SPATA7: variants seen among roughly 807,000 people sequenced by gnomAD.
The protein encoded by SPATA7 is spermatogenesis-associated protein 7.
A neutral mutation model predicts 51.8 loss-of-function variants in SPATA7; 43 were observed. The ratio of observed to expected loss-of-function variants is 0.83; its 90% confidence interval spans 0.65 to 1.07. The LOEUF is 1.07. SPATA7 is among the 50% of genes least tolerant of loss of function. The pLI is 0.00. For missense variants in SPATA7, 683 were observed against 701.3 expected, an observed-to-expected ratio of 0.97 and a Z score of 0.30; for synonymous variants, 230 against 252.8, an observed-to-expected ratio of 0.91 and a Z score of 0.86.
chr14:88,469,486 T>TA lies in SPATA7; in HGVS notation c.255-358dup. On this transcript the variant is annotated intron_variant, in intron 4 of 4. Transcript: ENST00000556406. The surrounding 1 kb of genome is among the most constrained non-coding windows in gnomAD (Gnocchi z 4.3). ...GAGGCAGCTGTCCTCGGAACAAAGT[T>TA]AAAGTCACTCACATAAAAATCCCTT... 1.3e-6 allele frequency: 2 copies of TA among 1,594,822 alleles called. No homozygotes were observed. The highest frequency in any genetic ancestry group is 2.2e-5 in the South Asian group (2 of 90,696).
At chr14:88,445,168 T>C (rs2077203103) in intron 3 of SPATA7, among the ~76,000 whole-genome samples, 1 of 151,600 alleles carries the variant, frequency 6.6e-6, no homozygotes, top group Non-Finnish European at 1.5e-5. Context: ...CCTTGAGCAG[T>C]GGTTTGTAGT....
At chr14:88,391,734 A>C (rs916318847) in intron 2 of SPATA7, 1 of 470,672 alleles carries the variant, frequency 2.1e-6, no homozygotes, top group African/African-American at 2.0e-5. Context: ...ACCCTGATTT[A>C]AGGCATACCT....
At chr14:88,400,900 C>G (rs1049675538) in intron 4 of SPATA7, among the ~76,000 whole-genome samples, 2 of 152,058 alleles carry the variant, frequency 1.3e-5, no homozygotes, top group African/African-American at 4.8e-5. Flanking sequence ...CAGATATCTT[C>G]ATAGGTAAAT....
chr14:88,460,490 G>C (rs956224759), intron 4 of SPATA7, among the ~76,000 whole-genome samples: 4 of 152,084 alleles, frequency 2.6e-5, no homozygotes, highest in African/African-American at 9.7e-5. Context: ...CTTTCTTCCA[G>C]TTGATCGAAT....
chr14:88,463,828 C>G (rs1398821812), intron 4 of SPATA7, among the ~76,000 whole-genome samples: 1 of 148,874 alleles, frequency 6.7e-6, no homozygotes, highest in Non-Finnish European at 1.5e-5. Context: ...AATTTCCTGA[C>G]ATTTCCTTAT....
chr14:88,426,579 C>T lies in SPATA7; in HGVS notation c.720C>T (p.Phe240=). Residue 240 remains phenylalanine (F), a synonymous_variant, in exon 6 of 12, where the codon TTC becomes TTT. Coordinates refer to ENST00000393545, the MANE Select transcript of SPATA7 (RefSeq NM_018418.5). ...SELFSNKQLP[F]TPRTLKTEAK... ...TCTTTTCTAACAAACAATTGCCATT[C>T]ACTCCTCGCACTTTAAAAACAGAAG... 6.2e-7 allele frequency: 1 copy of T among 1,614,118 alleles called. No homozygotes were observed. The highest frequency in any genetic ancestry group is 8.5e-7 in the Non-Finnish European group (1 of 1,179,988).
chr14:88,453,972 A>G (rs761402962), intron 3 of SPATA7, among the ~76,000 whole-genome samples: 1 of 152,176 alleles, frequency 6.6e-6, no homozygotes, highest in Non-Finnish European at 1.5e-5. Flanking sequence ...TTTTGAGGCA[A>G]AAACACACAC....
chr14:88,427,201 G>A (rs968272062), intron 6 of SPATA7, among the ~76,000 whole-genome samples: 15 of 152,270 alleles, frequency 9.9e-5, no homozygotes, highest in Admixed American at 5.9e-4. Context: ...TAGAAATTAA[G>A]TATAATTTGC....
chr14:88,389,078 G>A (rs943949308), intron 1 of SPATA7, among the ~76,000 whole-genome samples: 45 of 152,106 alleles, frequency 3.0e-4, no homozygotes, highest in African/African-American at 1.1e-3. Context: ...AAAAGAAATT[G>A]CAAGTCATGC....
intron 1 of SPATA7, among the ~76,000 whole-genome samples, chr14:88,386,467 A>AT (rs755563345): frequency 1.2e-4 from 18 of 152,218 alleles, no homozygotes; most frequent in South Asian, 2.1e-4. Flanking sequence ...GGTGGCTGAG[A>AT]TTTTGCATTT....
chr14:88,418,657 T>C (rs1433627318), intron 5 of SPATA7, among the ~76,000 whole-genome samples: 1 of 152,104 alleles, frequency 6.6e-6, no homozygotes, highest in Non-Finnish European at 1.5e-5. Context: ...GTGTTTTTAG[T>C]AGAGTCTAGT....
chr14:88,426,794 T>A, intron 6 of SPATA7, 90 bp downstream of exon 6: 1 of 1,154,970 alleles, frequency 8.7e-7, no homozygotes, highest in Non-Finnish European at 1.3e-6. Context: ...CTGCCAGCCT[T>A]AAGATCTGAT....
At chr14:88,425,235 G>T (rs1411137043) in intron 5 of SPATA7, among the ~76,000 whole-genome samples, 1 of 152,130 alleles carries the variant, frequency 6.6e-6, no homozygotes, top group Non-Finnish European at 1.5e-5. Context: ...ATACATATTA[G>T]TAGCAGTGAT....
At chr14:88,447,036 C>T (rs1159685273) in intron 3 of SPATA7, among the ~76,000 whole-genome samples, 3 of 151,928 alleles carry the variant, frequency 2.0e-5, no homozygotes, top group African/African-American at 7.3e-5. Context: ...TCCTGGGTAT[C>T]CTTGTTGACT....
At chr14:88,431,281 A>T in intron 9 of SPATA7, 56 bp downstream of exon 9, 1 of 1,475,288 alleles carries the variant, frequency 6.8e-7, no homozygotes, top group Non-Finnish European at 9.5e-7. Context: ...TTAAGAATCA[A>T]AGAAACCATA....
intron 1 of SPATA7, among the ~76,000 whole-genome samples, 166 bp from the exon 2 acceptor site, chr14:88,391,215 A>C (rs1296753896): frequency 6.6e-6 from 1 of 152,204 alleles, no homozygotes; most frequent in African/African-American, 2.4e-5. Context: ...TTAATGCTGT[A>C]ACTCAGACTT....
At chr14:88,405,353 G>C (rs2076174599) in intron 4 of SPATA7, among the ~76,000 whole-genome samples, 2 of 152,246 alleles carry the variant, frequency 1.3e-5, no homozygotes, top group African/African-American at 2.4e-5. Context: ...CTTGAAGAGA[G>C]GAGTAGCAGG....
rs749777518 is a variant in SPATA7 at position 88,385,882 on chromosome 14, C to T, written c.19+45C>T. The T allele has an allele frequency of 1.9e-6, 3 of 1,576,910 alleles. No individual in the cohort carries two copies. The South Asian group carries it at 3.5e-5, about 18-fold the overall frequency. On this transcript the variant is annotated intron_variant, in intron 1 of 11. Transcript: ENST00000393545. ...GGCTACCGCCGCCTCGCCCCTCGCTCCAGGCGGCGCTCCCAGCCTCGGGTC... is the reference window on the plus strand; with the variant it reads ...GGCTACCGCCGCCTCGCCCCTCGCTTCAGGCGGCGCTCCCAGCCTCGGGTC...
chr14:88,459,412 TG>T (rs1439992723), downstream of SPATA7, among the ~76,000 whole-genome samples: 1 of 152,254 alleles, frequency 6.6e-6, no homozygotes, highest in African/African-American at 2.4e-5. Flanking sequence ...GCTCCTGTAT[TG>T]GGTGCATATA....
Sources: allele counts gnomAD v4.1 joint callset (sites outside exome capture counted in the v4.1 genomes callset), GRCh38; gene constraint gnomAD v4.1.1; non-coding constraint Gnocchi (gnomAD v3.1); transcripts MANE v1.5; gene names NCBI Gene and HGNC (gene_info 2026-07-23, HGNC 2026-07-21).